Variants in WDR7 observed in about 807,000 individuals in gnomAD.
WDR7 encodes the protein WD repeat-containing protein 7.
Under a neutral mutation model 169.4 loss-of-function variants are expected in WDR7, and 46 were observed. The ratio of observed to expected loss-of-function variants is 0.27; its 90% CI spans 0.21 to 0.35. WDR7 has a LOEUF of 0.35. WDR7 is among the 10% of genes least tolerant of loss of function. The pLI is 1.00. For missense variants in WDR7, 1,534 were observed against 1,859.3 expected, an observed-to-expected ratio of 0.83 and a Z score of 3.22; for synonymous variants, 612 against 666.8, an observed-to-expected ratio of 0.92 and a Z score of 1.27.
chr18:56,886,389 A>G (rs1156293123), intron 21 of WDR7, among the ~76,000 whole-genome samples: 1 of 152,248 alleles, frequency 6.6e-6, no homozygotes, highest in Non-Finnish European at 1.5e-5. Context: ...AGTAAGATCC[A>G]TAAATGAAGG....
rs57353690 is a variant in WDR7, at chr18:56,949,705, T to C, written c.4064+10312T>C. 9.9e-3 allele frequency among the ~76,000 whole-genome samples: 1,514 copies of C among 152,338 alleles called. 92 individuals carry two copies. In the East Asian group the frequency reaches 0.19, roughly 19 times the overall value. ...TCTGCAGTCACATGAACTTTACTGTTATATTAAATCCACCAGTGTATCTTG... is the reference window on the plus strand; with the variant it reads ...TCTGCAGTCACATGAACTTTACTGTCATATTAAATCCACCAGTGTATCTTG... On this transcript the variant is annotated intron_variant, in intron 25 of 27. Transcript: ENST00000254442.
chr18:56,678,700 T>C (rs747781908), intron 2 of WDR7, among the ~76,000 whole-genome samples: 5 of 152,182 alleles, frequency 3.3e-5, no homozygotes, highest in Non-Finnish European at 7.3e-5. Flanking sequence ...TTTTACCACA[T>C]TGGTCAGGCT....
chr18:56,935,612 T>C (rs1263876058), intron 22 of WDR7, among the ~76,000 whole-genome samples, 176 bp from the exon 23 acceptor site: 3 of 152,220 alleles, frequency 2.0e-5, no homozygotes, highest in African/African-American at 7.2e-5. Flanking sequence ...CATTTTGTAT[T>C]TGATGCCAGA....
At chr18:56,915,066 T>G (rs2046606895) in intron 21 of WDR7, among the ~76,000 whole-genome samples, 1 of 152,206 alleles carries the variant, frequency 6.6e-6, no homozygotes, top group South Asian at 2.1e-4. Flanking sequence ...TTTCTTAATT[T>G]AACAGTTATT....
At chr18:56,900,170 TTTATC>T (rs373213516) in intron 21 of WDR7, among the ~76,000 whole-genome samples, 119 of 151,388 alleles carry the variant, frequency 7.9e-4, no homozygotes, top group African/African-American at 2.9e-3. Flanking sequence ...TATCAGAAAT[TTTATC>T]TTGTCATCTA....
chr18:56,869,980 A>G (rs868341326), intron 20 of WDR7, among the ~76,000 whole-genome samples: 1 of 152,162 alleles, frequency 6.6e-6, no homozygotes, highest in Non-Finnish European at 1.5e-5. Context: ...ACATGAGCCT[A>G]TGAAACCTGG....
At position 56,833,172 on chromosome 18, in the gene WDR7, A is replaced by G. The variant is rs1324241800; in HGVS notation, c.3304+17028A>G. ...ACCTGATGGAACTGAAAAACACAGC[A>G]CGAGAACTTCGTGAAGCATACACAA... On this transcript the variant is annotated intron_variant, in intron 20 of 27. Coordinates refer to ENST00000254442, the MANE Select transcript of WDR7 (RefSeq NM_015285.3). Among the ~76,000 whole-genome samples, 8 of 152,098 alleles carry G rather than the reference A, an allele frequency of 5.3e-5. No individual in the cohort carries two copies. The East Asian group carries it at 1.2e-3, about 22-fold the overall frequency.
At chr18:56,685,915 G>A (rs773824433) in intron 5 of WDR7, 41 bp from the exon 6 acceptor site, 14 of 1,516,342 alleles carry the variant, frequency 9.2e-6, no homozygotes, top group Non-Finnish European at 2.7e-6. Context: ...AGCGTATTAT[G>A]TTCGTAACCT....
intron 27 of WDR7, among the ~76,000 whole-genome samples, chr18:57,025,499 G>T (rs185813882): frequency 1.6e-3 from 241 of 152,324 alleles, no homozygotes; most frequent in African/African-American, 5.5e-3. Flanking sequence ...AAGGGTGACA[G>T]TAAGGAACTG....
intron 21 of WDR7, among the ~76,000 whole-genome samples, chr18:56,900,781 A>G (rs1165245140): frequency 6.6e-6 from 1 of 152,168 alleles, no homozygotes; most frequent in Non-Finnish European, 1.5e-5. Flanking sequence ...GGGCTGGTCC[A>G]AGCTGGTCTA....
downstream of WDR7, chr18:57,033,147 C>T (rs1311034525): frequency 6.6e-6 from 1 of 152,026 alleles, no homozygotes; most frequent in East Asian, 1.9e-4. Flanking sequence ...CACAATCTCA[C>T]CAAGCACCAT....
chr18:56,752,544 G>A (rs1599016227), intron 14 of WDR7, among the ~76,000 whole-genome samples: 1 of 152,186 alleles, frequency 6.6e-6, no homozygotes, highest in South Asian at 2.1e-4. Context: ...GACTCGTCTT[G>A]GTTCCCTCAA....
At chr18:56,736,099 C>T (rs757911246) in intron 14 of WDR7, among the ~76,000 whole-genome samples, 2 of 152,066 alleles carry the variant, frequency 1.3e-5, no homozygotes, top group African/African-American at 2.4e-5. Flanking sequence ...TGACCTTGGG[C>T]AGGTAAACTC....
intron 26 of WDR7, among the ~76,000 whole-genome samples, chr18:57,016,452 A>G (rs1394909612): frequency 1.3e-5 from 2 of 152,288 alleles, no homozygotes; most frequent in East Asian, 1.9e-4. Context: ...AAAAAAAATG[A>G]TGAGACCTAC....
intron 19 of WDR7, among the ~76,000 whole-genome samples, chr18:56,815,097 T>C (rs1364908372): frequency 6.6e-6 from 1 of 152,168 alleles, no homozygotes; most frequent in Non-Finnish European, 1.5e-5. Context: ...TTAATACCCC[T>C]TGTTAGAAAA....
chr18:56,947,299 T>C (rs551827112), intron 25 of WDR7, among the ~76,000 whole-genome samples: 2 of 152,306 alleles, frequency 1.3e-5, no homozygotes, highest in South Asian at 4.1e-4. Context: ...TGAATCTCTG[T>C]TGGTTCTTTC....
chr18:56,752,287 C>A (rs2043806900), intron 14 of WDR7, among the ~76,000 whole-genome samples: 1 of 152,190 alleles, frequency 6.6e-6, no homozygotes, highest in Non-Finnish European at 1.5e-5. Flanking sequence ...CAGTATCCAT[C>A]ATGTGATACT....
intron 20 of WDR7, among the ~76,000 whole-genome samples, chr18:56,863,445 G>T (rs1379356304): frequency 9.9e-5 from 15 of 151,700 alleles, no homozygotes. Context: ...ATGAAGAAAT[G>T]AGAATTTACT....
chr18:56,711,021 T>G (rs925699746), intron 12 of WDR7, among the ~76,000 whole-genome samples: 1 of 151,174 alleles, frequency 6.6e-6, no homozygotes, highest in African/African-American at 2.4e-5. Flanking sequence ...GGATTTTAGT[T>G]TTTTTTTTTA....
Sources: gnomAD v4.1 joint callset for allele counts (sites outside exome capture counted in the v4.1 genomes callset) on GRCh38, gnomAD v4.1.1 for gene constraint, MANE v1.5 for transcripts, NCBI Gene and HGNC (gene_info 2026-07-23, HGNC 2026-07-21) for gene names.